The following ATP1A1 variants were observed in gnomAD, a reference collection of about 807,000 sequenced individuals.
ATP1A1 encodes the protein ATPase Na+/K+ transporting subunit alpha 1.
ATP1A1 carries 14 observed loss-of-function variants against 114.8 expected under a neutral mutation model. The observed-to-expected ratio is 0.12, with a 90% confidence interval of 0.08 to 0.19. ATP1A1 has a LOEUF of 0.19. ATP1A1 is among the 10% of genes least tolerant of loss of function. The pLI is 1.00. For synonymous variants in ATP1A1, 471 were observed against 466.3 expected (o/e 1.01, Z -0.13); for missense variants, 524 against 1,290.7 (o/e 0.41, Z 9.10).
At chr1:116,382,143 A>T (rs1651787813) in intron 1 of ATP1A1, among the ~76,000 whole-genome samples, 2 of 152,238 alleles carry the variant, frequency 1.3e-5, no homozygotes, top group African/African-American at 4.8e-5. Context: ...ACTGCACTCC[A>T]GCCTGGGCGA....
At chr1:116,379,972 T>C (rs1337477157) in intron 1 of ATP1A1, among the ~76,000 whole-genome samples, 1 of 152,218 alleles carries the variant, frequency 6.6e-6, no homozygotes, top group Non-Finnish European at 1.5e-5. Flanking sequence ...AACTCCGAAA[T>C]GGGCTGCATT....
At position 116,381,975 on chromosome 1, in the gene ATP1A1, G is replaced by C. The variant is rs1651773051; in HGVS notation, c.13-2039G>C. Among the ~76,000 whole-genome samples, 1 of 152,146 alleles carries C rather than the reference G, an allele frequency of 6.6e-6. No individual in the cohort carries two copies. Among genetic ancestry groups the C allele is most frequent in the South Asian group, 2.1e-4 (1 of 4,832 alleles). Reference sequence around the variant, plus strand: ...GTGGATCATGAGGTAAGGAGTTCAAGACCAGCCTGGCCAAGATGGTGAAAC... The same window carrying C: ...GTGGATCATGAGGTAAGGAGTTCAACACCAGCCTGGCCAAGATGGTGAAAC... On this transcript the variant is annotated intron_variant, in intron 1 of 22. Coordinates refer to ENST00000295598, the MANE Select transcript of ATP1A1 (RefSeq NM_000701.8). The surrounding 1 kb of genome is among the most constrained non-coding windows in gnomAD (Gnocchi z 5.1).
intron 1 of ATP1A1, chr1:116,383,499 T>C (rs2101037244): frequency 2.4e-6 from 1 of 421,786 alleles, no homozygotes; most frequent in Middle Eastern, 1.2e-3. Flanking sequence ...CTCCACGCTG[T>C]GGAAGAGGAA....
intron 9 of ATP1A1, 131 bp downstream of exon 9, chr1:116,390,542 T>G (rs1460526664): frequency 2.5e-5 from 26 of 1,043,832 alleles, no homozygotes; most frequent in Admixed American, 2.1e-4. Context: ...TTTTGTTTTT[T>G]TTTTTTTTAT....
Position 116,399,506 on chromosome 1 carries a change from G to C in ATP1A1, c.2535G>C (p.Val845=), listed in dbSNP as rs146093017. ...GAAATCCCAAAACAGACAAACTTGT[G>C]AATGAGCGGCTGATCAGCATGGCCT... ...QPRNPKTDKL[V]NERLISMAYG... The change falls in exon 18 of 23, where the codon GTG becomes GTC. Residue 845 remains valine, a synonymous_variant. Coordinates refer to ENST00000295598, the MANE Select transcript of ATP1A1 (RefSeq NM_000701.8). This position sits in a 1 kb window ranked among gnomAD's most constrained non-coding sequence, Gnocchi z 5.0. 1.2e-6 allele frequency: 2 copies of C among 1,614,020 alleles called. No homozygotes were observed. The highest frequency in any genetic ancestry group is 1.7e-6 in the Non-Finnish European group (2 of 1,180,034).
Position 116,387,180 on chromosome 1 carries a change from T to G in ATP1A1, c.184-108T>G, listed in dbSNP as rs1352670740. ...TACCTTGGCTCTCTAGCTTGGGACA[T>G]TTTGTTTCTTCCTTAAATCCTTATT... On this transcript the variant is annotated intron_variant, in intron 3 of 22. Coordinates refer to ENST00000295598, the MANE Select transcript of ATP1A1 (RefSeq NM_000701.8). This position sits in a 1 kb window ranked among gnomAD's most constrained non-coding sequence, Gnocchi z 6.7. 1.1e-5 allele frequency: 15 copies of G among 1,310,068 alleles called. No individual in the cohort carries two copies. Among genetic ancestry groups the G allele is most frequent in the Non-Finnish European group, 1.6e-5 (15 of 945,430 alleles). 81.2% of individuals were successfully genotyped at this position (1,310,068 alleles called of 1,614,324 possible). A position where few individuals can be genotyped will look rare whatever the true frequency, so the allele number is the denominator to read the frequency against.
intron 1 of ATP1A1, 107 bp downstream of exon 1, chr1:116,373,630 G>A (rs1651139505): frequency 8.2e-7 from 1 of 1,223,882 alleles, no homozygotes; most frequent in Non-Finnish European, 1.1e-6. Flanking sequence ...AGGAGGAAGC[G>A]GCGCCGCGTG....
Position 116,389,581 on chromosome 1 carries a change from T to C in ATP1A1, c.897T>C (p.Ala299=), listed in dbSNP as rs763626611. The stretch of plus-strand genomic sequence containing the variant: ...TTATCCACATCATCACGGGTGTGGC[T>C]GTGTTCCTGGGTGTGTCTTTCTTCA... ...EHFIHIITGV[A]VFLGVSFFIL... Residue 299 remains alanine, a synonymous_variant, in exon 8 of 23, where the codon GCT becomes GCC. Coordinates refer to ENST00000295598, the MANE Select transcript of ATP1A1 (RefSeq NM_000701.8). The surrounding 1 kb of genome is among the most constrained non-coding windows in gnomAD (Gnocchi z 6.9). 2 of 1,614,100 alleles carry C rather than the reference T, an allele frequency of 1.2e-6. No homozygotes were observed. The highest frequency in any genetic ancestry group is 2.7e-5 in the African/African-American group (2 of 74,930).
rs190377678 is a variant in ATP1A1, at chr1:116,390,704, A to G, written c.1223-78A>G. ...ATGTATCACTGCAGATTTCTATGGG[A>G]CTTTAATAGGAGAACTGAGAACACA... On this transcript the variant is annotated intron_variant, in intron 9 of 22. Transcript: ENST00000295598. 4.0e-3 allele frequency: 4,748 copies of G among 1,196,802 alleles called. 20 individuals carry two copies. The highest frequency in any genetic ancestry group is 4.2e-3 in the Non-Finnish European group (3,403 of 814,336). The allele number at this position is 1,196,802 out of a possible 1,614,324, so 74.1% of individuals were successfully genotyped here.
chr1:116,373,981 A>C, intron 1 of ATP1A1: 8 of 1,374,508 alleles, frequency 5.8e-6, no homozygotes, highest in Non-Finnish European at 3.8e-6. Flanking sequence ...GCCCTGAGGA[A>C]AGGCGCGCTC....
rs1404830467 is a variant in ATP1A1, at chr1:116,384,270, T to C, written c.123+146T>C. 2.9e-6 allele frequency: 2 copies of C among 693,474 alleles called. No individual in the cohort carries two copies. Among genetic ancestry groups the C allele is most frequent in the East Asian group, 2.8e-5 (1 of 36,100 alleles). The allele number at this position is 693,474 out of a possible 1,614,324, so 43.0% of individuals were successfully genotyped here. On this transcript the variant is annotated intron_variant, in intron 2 of 22. Transcript: ENST00000295598. This position sits in a 1 kb window ranked among gnomAD's most constrained non-coding sequence, Gnocchi z 5.1. ...ACAGATCTCATCTAGTCGTAGAGGT[T>C]AATGTTGAACATATACTTTTTAAAA...
rs758253415 is a variant in ATP1A1 at position 116,398,917 on chromosome 1, T to C, written c.2294-13T>C. Reference sequence around the variant, plus strand: ...TCTCATAAGCTAACAGTAAAAAATCTTGGTTTTCATAGGTCGTCTGATCTT... The same window carrying C: ...TCTCATAAGCTAACAGTAAAAAATCCTGGTTTTCATAGGTCGTCTGATCTT... On this transcript the variant is annotated splice_polypyrimidine_tract_variant and intron_variant, in intron 16 of 22. Transcript: ENST00000295598. The surrounding 1 kb of genome is among the most constrained non-coding windows in gnomAD (Gnocchi z 6.1). 6.2e-7 allele frequency: 1 copy of C among 1,614,024 alleles called. No individual in the cohort carries two copies. Among genetic ancestry groups the C allele is most frequent in the South Asian group, 1.1e-5 (1 of 91,080 alleles).
At chr1:116,392,735 C>A in intron 10 of ATP1A1, 119 bp from the exon 11 acceptor site, 1 of 1,254,158 alleles carries the variant, frequency 8.0e-7, no homozygotes, top group Non-Finnish European at 1.1e-6. Context: ...TTCCTTCTTG[C>A]CCATCCTCTG....
At chr1:116,394,329 C>A (rs1033873352) in intron 12 of ATP1A1, among the ~76,000 whole-genome samples, 2 of 152,140 alleles carry the variant, frequency 1.3e-5, no homozygotes, top group Non-Finnish European at 2.9e-5. Flanking sequence ...TTGACAGATA[C>A]TACATTCATT....
chr1:116,401,439 G>A lies in ATP1A1; in HGVS notation c.2850-115G>A. 2 of 1,427,976 alleles carry A rather than the reference G, an allele frequency of 1.4e-6. No individual in the cohort carries two copies. The highest frequency in any genetic ancestry group is 1.9e-6 in the Non-Finnish European group (2 of 1,039,126). 88.5% of individuals were successfully genotyped at this position (1,427,976 alleles called of 1,614,324 possible). On this transcript the variant is annotated intron_variant, in intron 20 of 22. Transcript: ENST00000295598. This position sits in a 1 kb window ranked among gnomAD's most constrained non-coding sequence, Gnocchi z 4.7. Reference sequence around the variant, plus strand: ...TCTAGTTTTTTCATCTGACCTCCAAGTTTTCAAGTACAGCTAATACATAAA... The same window carrying A: ...TCTAGTTTTTTCATCTGACCTCCAAATTTTCAAGTACAGCTAATACATAAA...
chr1:116,390,369 G>T lies in ATP1A1; in HGVS notation c.1180G>T (p.Asp394Tyr). ...NRMTVAHMWFDNQIHEADTTE... is the reference protein window; with the variant it reads ...NRMTVAHMWFYNQIHEADTTE... Reference sequence around the variant, plus strand: ...GATGACAGTGGCCCACATGTGGTTTGACAATCAAATCCATGAAGCTGATAC... The same window carrying T: ...GATGACAGTGGCCCACATGTGGTTTTACAATCAAATCCATGAAGCTGATAC... The change falls in exon 9 of 23, where the codon GAC becomes TAC. Residue 394 changes from aspartate to tyrosine, a missense_variant. Physicochemically the swap from Asp to Tyr is radical, Grantham distance 160 (BLOSUM62 -3). Transcript: ENST00000295598. 1 of 1,614,090 alleles carries T rather than the reference G, an allele frequency of 6.2e-7. No individual in the cohort carries two copies. The highest frequency in any genetic ancestry group is 1.1e-5 in the South Asian group (1 of 91,072).
At chr1:116,396,182 C>T (rs1188378792) in intron 13 of ATP1A1, among the ~76,000 whole-genome samples, 1 of 151,876 alleles carries the variant, frequency 6.6e-6, no homozygotes, top group East Asian at 1.9e-4. Flanking sequence ...GAATTCTTGT[C>T]ACATGTTGCT....
chr1:116,373,442 A>C lies in ATP1A1; in HGVS notation c.-70A>C, dbSNP rs546221648. On this transcript the variant is annotated 5_prime_UTR_variant, in exon 1 of 23. Transcript: ENST00000295598. ...CCCTGGTCCCGCTCGCTCGGCCGGG[A>C]GCTGCTCTGTGCTTTTCTCTCTGAT... 15 of 1,315,634 alleles carry C rather than the reference A, an allele frequency of 1.1e-5. No individual in the cohort carries two copies. In the African/African-American group the frequency reaches 1.8e-4, roughly 15 times the overall value. 81.5% of individuals were successfully genotyped at this position (1,315,634 alleles called of 1,614,324 possible).
At chr1:116,403,295 C>T (rs774196598) in intron 21 of ATP1A1, among the ~76,000 whole-genome samples, 11 of 152,150 alleles carry the variant, frequency 7.2e-5, no homozygotes, top group Non-Finnish European at 1.6e-4. Context: ...CTGCCTGGAG[C>T]CTGTCAGCAG....
Sources: gnomAD v4.1 joint callset for allele counts (sites outside exome capture counted in the v4.1 genomes callset) on GRCh38, gnomAD v4.1.1 for gene constraint, Gnocchi (gnomAD v3.1) non-coding constraint, MANE v1.5 for transcripts, NCBI Gene and HGNC (gene_info 2026-07-23, HGNC 2026-07-21) for gene names.